The following HACD2 variants were observed in gnomAD, a reference collection of about 807,000 sequenced individuals.
HACD2 encodes 3-hydroxyacyl-CoA dehydratase 2, also known as very-long-chain (3R)-3-hydroxyacyl-CoA dehydratase 2.
Under a neutral mutation model 31.0 loss-of-function variants are expected in HACD2, and 15 were observed. The observed-to-expected ratio is 0.48, with a 90% CI of 0.32 to 0.75. The LOEUF is 0.75. Among genes scored for constraint, HACD2 ranks in the 30% least tolerant of loss-of-function variants. HACD2 has a pLI of 0.03. For synonymous variants in HACD2, 115 were observed against 122.2 expected (o/e 0.94, Z 0.39); for missense variants, 283 against 313.0 (o/e 0.90, Z 0.72).
intron 4 of HACD2, among the ~76,000 whole-genome samples, chr3:123,512,415 T>C (rs929799281): frequency 8.5e-5 from 13 of 152,154 alleles, no homozygotes; most frequent in Non-Finnish European, 1.5e-4. Context: ...AAGATTCACC[T>C]GAGACTCGCC....
intron 4 of HACD2, among the ~76,000 whole-genome samples, chr3:123,510,494 C>T (rs71330998): frequency 6.6e-5 from 10 of 152,178 alleles, no homozygotes; most frequent in Non-Finnish European, 1.5e-4. Flanking sequence ...ATGATCTGCC[C>T]GCCTTGGCCT....
intron 3 of HACD2, among the ~76,000 whole-genome samples, chr3:123,554,450 A>G (rs2056653443): frequency 6.6e-6 from 1 of 152,050 alleles, no homozygotes; most frequent in South Asian, 2.1e-4. Flanking sequence ...AAAGTGTGCT[A>G]TGATCACTTC....
chr3:123,545,371 A>T (rs2056546255), intron 3 of HACD2, among the ~76,000 whole-genome samples: 1 of 151,490 alleles, frequency 6.6e-6, no homozygotes, highest in Non-Finnish European at 1.5e-5. Flanking sequence ...TATCCCAGCT[A>T]CTCAGGAGGC....
intron 2 of HACD2, among the ~76,000 whole-genome samples, chr3:123,569,485 C>T (rs1559933299): frequency 1.3e-5 from 2 of 152,062 alleles, no homozygotes; most frequent in South Asian, 4.1e-4. Flanking sequence ...CCTCAGCCTC[C>T]TGAGTAGCTG....
intron 3 of HACD2, among the ~76,000 whole-genome samples, chr3:123,542,838 G>C (rs766027163): frequency 1.1e-4 from 16 of 152,240 alleles, no homozygotes; most frequent in Non-Finnish European, 2.2e-4. Flanking sequence ...GGACTCAGAA[G>C]ATAATCTGAA....
intron 3 of HACD2, among the ~76,000 whole-genome samples, chr3:123,563,452 C>G (rs994045406): frequency 1.3e-5 from 2 of 152,102 alleles, no homozygotes; most frequent in Non-Finnish European, 2.9e-5. Context: ...AAATTTAAAC[C>G]AGCAAAAGGT....
chr3:123,532,554 G>A (rs1011201812), intron 3 of HACD2, among the ~76,000 whole-genome samples: 19 of 152,218 alleles, frequency 1.2e-4, no homozygotes, highest in Non-Finnish European at 1.5e-5. Context: ...ACTAAGGCCA[G>A]GCACAGTGGC....
intron 3 of HACD2, among the ~76,000 whole-genome samples, chr3:123,563,382 G>A (rs895152965): frequency 5.3e-5 from 8 of 152,150 alleles, no homozygotes; most frequent in African/African-American, 1.9e-4. Context: ...AGCATGGAGT[G>A]GGAGGCAGGG....
At chr3:123,581,590 T>A (rs2056967160) in intron 2 of HACD2, among the ~76,000 whole-genome samples, 1 of 152,204 alleles carries the variant, frequency 6.6e-6, no homozygotes, top group Non-Finnish European at 1.5e-5. Context: ...GCTCCTTGGT[T>A]CTCATTCCTG....
Position 123,503,150 on chromosome 3 carries a change from A to G in HACD2, c.382-469T>C, listed in dbSNP as rs560803669. ...TGTGGTGGCGTATGCCTGTAATCCC[A>G]GTTACTCAGGAGGCTGAGGCAGGAG... On this transcript the variant is annotated intron_variant, in intron 4 of 6. Transcript: ENST00000383657. Among the ~76,000 whole-genome samples, 67 of 152,038 alleles carry G rather than the reference A, an allele frequency of 4.4e-4. 1 individual carries two copies. Among genetic ancestry groups the G allele is most frequent in the African/African-American group, 1.5e-3 (63 of 41,462 alleles).
intron 6 of HACD2, among the ~76,000 whole-genome samples, chr3:123,495,399 G>T (rs1300682535): frequency 1.3e-5 from 2 of 152,142 alleles, no homozygotes; most frequent in African/African-American, 4.8e-5. Context: ...CTTGCCTAGG[G>T]TCTCACAGTA....
intron 4 of HACD2, among the ~76,000 whole-genome samples, chr3:123,520,893 C>T (rs374901757): frequency 1.2e-4 from 19 of 152,282 alleles, no homozygotes; most frequent in Non-Finnish European, 1.5e-4. Context: ...CTGGAAATCT[C>T]GTGTGCTTAT....
chr3:123,509,175 T>G (rs2056017994), intron 4 of HACD2, among the ~76,000 whole-genome samples: 2 of 152,134 alleles, frequency 1.3e-5, no homozygotes, highest in East Asian at 3.9e-4. Context: ...TTGCACCACA[T>G]GTGGCTGTTG....
At chr3:123,522,331 A>AT (rs2056226138) in intron 4 of HACD2, among the ~76,000 whole-genome samples, 1 of 119,218 alleles carries the variant, frequency 8.4e-6, no homozygotes, top group African/African-American at 3.0e-5. Context: ...CTGTCTCCAA[A>AT]CAAAAAAAAA....
chr3:123,584,647 C>T (rs1284114421), intron 1 of HACD2: 1 of 363,414 alleles, frequency 2.8e-6, no homozygotes, highest in Non-Finnish European at 4.9e-6. Flanking sequence ...GCCCCAGTGC[C>T]TGGGAACTTG....
intron 2 of HACD2, among the ~76,000 whole-genome samples, chr3:123,572,507 CAAAGA>C (rs2056865412): frequency 1.3e-5 from 2 of 152,212 alleles, no homozygotes; most frequent in South Asian, 2.1e-4. Flanking sequence ...GACCCTGTCT[CAAAGA>C]AAAGAAAAGA....
intron 4 of HACD2, among the ~76,000 whole-genome samples, chr3:123,518,468 G>A (rs180908469): frequency 8.5e-5 from 13 of 152,264 alleles, no homozygotes; most frequent in Non-Finnish European, 1.5e-4. Context: ...ATTGTAAAGT[G>A]CTACACAAAT....
At chr3:123,575,432 T>C (rs1163929243) in intron 2 of HACD2, among the ~76,000 whole-genome samples, 1 of 152,276 alleles carries the variant, frequency 6.6e-6, no homozygotes, top group South Asian at 2.1e-4. Context: ...TAAATAAAAT[T>C]AAAAACTCAG....
intron 3 of HACD2, among the ~76,000 whole-genome samples, chr3:123,551,650 T>C (rs2056621990): frequency 6.6e-6 from 1 of 151,624 alleles, no homozygotes; most frequent in Non-Finnish European, 1.5e-5. Flanking sequence ...GAAAAATTAA[T>C]AATAAATACT....
Sources: allele counts gnomAD v4.1 joint callset (sites outside exome capture counted in the v4.1 genomes callset), GRCh38; gene constraint gnomAD v4.1.1; transcripts MANE v1.5; gene names NCBI Gene and HGNC (gene_info 2026-07-23, HGNC 2026-07-21).